Variants in LPAR6 observed in about 807,000 individuals in gnomAD.
LPAR6 encodes the protein lysophosphatidic acid receptor 6.
Under a neutral mutation model 22.0 loss-of-function variants are expected in LPAR6, and 17 were observed. The ratio of observed to expected loss-of-function variants is 0.77; its 90% CI spans 0.53 to 1.16. The LOEUF (loss-of-function observed/expected upper bound fraction) is 1.16, where lower values mean the gene tolerates loss of function less well. LPAR6 is among the 50% of genes most tolerant of loss of function. The pLI is 0.00. For missense variants in LPAR6, 384 were observed against 406.9 expected, an observed-to-expected ratio of 0.94 and a Z score of 0.48; for synonymous variants, 136 against 139.8, an observed-to-expected ratio of 0.97 and a Z score of 0.19.
chr13:48,419,503 A>G (rs1253413033), intron 2 of LPAR6, among the ~76,000 whole-genome samples: 1 of 152,212 alleles, frequency 6.6e-6, no homozygotes, highest in East Asian at 1.9e-4. Flanking sequence ...AAACTAATTC[A>G]AAAGCTAGCA....
At chr13:48,439,052 A>G (rs2138300273) in intron 1 of LPAR6, among the ~76,000 whole-genome samples, 1 of 152,312 alleles carries the variant, frequency 6.6e-6, no homozygotes, top group Non-Finnish European at 1.5e-5. Flanking sequence ...AAGCATGACA[A>G]TGGGCAAAGA....
chr13:48,392,519 GTATCT>G (rs1948618877), intron 1 of LPAR6, among the ~76,000 whole-genome samples: 1 of 151,892 alleles, frequency 6.6e-6, no homozygotes, highest in African/African-American at 2.4e-5. Context: ...TTCTTCTGAG[GTATCT>G]AATCTGCTAT....
In LPAR6 at chr13:48,426,140, A is replaced by G. The variant is rs76360859; in HGVS notation, c.-1095+719T>C. On this transcript the variant is annotated intron_variant, in intron 1 of 4. Coordinates refer to the LPAR6 transcript ENST00000345941. The stretch of plus-strand genomic sequence containing the variant: ...GGCAAACTCTGCCCTGAACTTTAAG[A>G]TGGATATGACATGCCCTTTTGACCT... 8.4e-3 allele frequency among the ~76,000 whole-genome samples: 1,281 copies of G among 152,322 alleles called. 15 individuals are homozygous for G. Among genetic ancestry groups the G allele is most frequent in the African/African-American group, 0.03 (1,238 of 41,560 alleles).
At chr13:48,413,945 C>CT (rs1377952226), upstream of LPAR6, among the ~76,000 whole-genome samples, 1 of 152,172 alleles carries the variant, frequency 6.6e-6, no homozygotes, top group Admixed American at 6.5e-5. Flanking sequence ...CCTCCCAGCT[C>CT]TTCCCTTAAC....
upstream of LPAR6, among the ~76,000 whole-genome samples, chr13:48,431,712 G>T (rs1949131446): frequency 6.6e-6 from 1 of 152,246 alleles, no homozygotes; most frequent in African/African-American, 2.4e-5. Flanking sequence ...TCTACAAAAG[G>T]CCCCCTGTTA....
chr13:48,408,942 C>G (rs1014155346), downstream of LPAR6, among the ~76,000 whole-genome samples: 7 of 152,096 alleles, frequency 4.6e-5, no homozygotes, highest in African/African-American at 1.4e-4. Flanking sequence ...TTCTCCACCC[C>G]TTTCCCCCAG....
chr13:48,410,591 T>G (rs1948785317), downstream of LPAR6, among the ~76,000 whole-genome samples: 1 of 152,228 alleles, frequency 6.6e-6, no homozygotes, highest in African/African-American at 2.4e-5. Context: ...TAAGTGCACC[T>G]TTAAAATGTA....
chr13:48,392,660 T>C (rs1052467782), intron 1 of LPAR6, among the ~76,000 whole-genome samples: 1 of 152,174 alleles, frequency 6.6e-6, no homozygotes, highest in African/African-American at 2.4e-5. Context: ...TTCTTGAACA[T>C]ATGGGATATA....
rs1413446424 is a variant in LPAR6, at chr13:48,412,041, C to G, written c.383G>C (p.Arg128Thr). The change falls in exon 1 of 1, where the codon AGA becomes ACA. Residue 128 changes from arginine (R) to threonine (T), a missense_variant. Transcript: ENST00000620633. ...IVYPFKSKTL[R>T]TKRNAKIVCT... is the part of the protein sequence containing the mutation. ...AACAATCTTTGCATTTCTTTTGGTTCTTAGAGTCTTTGACTTAAATGGGTA... is the reference window on the plus strand; with the variant it reads ...AACAATCTTTGCATTTCTTTTGGTTGTTAGAGTCTTTGACTTAAATGGGTA... The G allele has an allele frequency of 1.2e-6, 2 of 1,613,154 alleles. No individual in the cohort carries two copies. The highest frequency in any genetic ancestry group is 2.7e-5 in the African/African-American group (2 of 74,838).
chr13:48,420,994 C>T (rs1008238437), intron 2 of LPAR6, among the ~76,000 whole-genome samples: 12 of 152,268 alleles, frequency 7.9e-5, no homozygotes, highest in Admixed American at 3.9e-4. Context: ...CTATCCCTAT[C>T]GAGCTACCAT....
upstream of LPAR6, among the ~76,000 whole-genome samples, chr13:48,430,226 A>T (rs960362819): frequency 6.6e-6 from 1 of 152,182 alleles, no homozygotes; most frequent in Non-Finnish European, 1.5e-5. Flanking sequence ...GGGGAATTTA[A>T]TGTATGATAA....
rs2100100326 is a variant in LPAR6 at position 48,433,915 on chromosome 13, G to T, written c.-1473-9796C>A. 2.7e-5 allele frequency among the ~76,000 whole-genome samples: 4 copies of T among 150,942 alleles called. No individual in the cohort carries two copies. In the South Asian group the frequency reaches 8.4e-4, roughly 32 times the overall value. Reference sequence around the variant, plus strand: ...TACATATATACTTTTTTTCAGATAGGGTCTTGCTATGTTGCCCAGGCTGGT... The same window carrying T: ...TACATATATACTTTTTTTCAGATAGTGTCTTGCTATGTTGCCCAGGCTGGT... On this transcript the variant is annotated intron_variant, in intron 1 of 6. Coordinates refer to the LPAR6 transcript ENST00000378434.
chr13:48,408,204 T>G (rs1948756824), downstream of LPAR6, among the ~76,000 whole-genome samples: 2 of 152,018 alleles, frequency 1.3e-5, no homozygotes, highest in Non-Finnish European at 2.9e-5. Flanking sequence ...ATGTAGAATA[T>G]TAAGGTTCAT....
intron 1 of LPAR6, among the ~76,000 whole-genome samples, chr13:48,404,578 G>C (rs1948722905): frequency 1.3e-5 from 2 of 152,040 alleles, no homozygotes; most frequent in Admixed American, 1.3e-4. Context: ...CCAGGCTGGA[G>C]TGCAATGGTG....
intron 1 of LPAR6, among the ~76,000 whole-genome samples, chr13:48,401,746 A>C (rs1268347857): frequency 6.6e-6 from 1 of 152,190 alleles, no homozygotes; most frequent in Non-Finnish European, 1.5e-5. Flanking sequence ...ATGATAAGGA[A>C]ACGTAGAATA....
chr13:48,431,855 C>T (rs945814162), upstream of LPAR6, among the ~76,000 whole-genome samples: 6 of 152,076 alleles, frequency 3.9e-5, no homozygotes, highest in African/African-American at 1.4e-4. Context: ...TTTTTTCCTG[C>T]TTATGTTGTC....
At chr13:48,390,689 T>A (rs411862) in intron 1 of LPAR6, among the ~76,000 whole-genome samples, 2 of 152,154 alleles carry the variant, frequency 1.3e-5, no homozygotes, top group Non-Finnish European at 2.9e-5. Flanking sequence ...TGAATTTACC[T>A]CTTTAATCAT....
intron 1 of LPAR6, among the ~76,000 whole-genome samples, chr13:48,426,193 A>G (rs1445021339): frequency 6.6e-6 from 1 of 152,224 alleles, no homozygotes; most frequent in African/African-American, 2.4e-5. Context: ...ATAAAATGAA[A>G]TGAAAACATA....
intron 1 of LPAR6, among the ~76,000 whole-genome samples, chr13:48,393,004 A>G (rs1948622651): frequency 6.6e-6 from 1 of 152,108 alleles, no homozygotes; most frequent in East Asian, 1.9e-4. Flanking sequence ...TTTAATCAAT[A>G]GCCGATTTTC....
Sources: allele counts gnomAD v4.1 joint callset (sites outside exome capture counted in the v4.1 genomes callset), GRCh38; gene constraint gnomAD v4.1.1; transcripts MANE v1.5; gene names NCBI Gene and HGNC (gene_info 2026-07-23, HGNC 2026-07-21).